The following GAB2 variants were observed in gnomAD, a reference collection of about 807,000 sequenced individuals.
GAB2 encodes the protein GRB2 associated binding protein 2.
Under a neutral mutation model 65.5 loss-of-function variants are expected in GAB2, and 26 were observed. The observed-to-expected ratio is 0.40, with a 90% CI of 0.29 to 0.55. The LOEUF is 0.55. Among genes scored for constraint, GAB2 ranks in the 20% least tolerant of loss-of-function variants. GAB2 has a pLI of 0.53. For missense variants in GAB2, 884 were observed against 875.8 expected (o/e 1.01, Z -0.12); for synonymous variants, 321 against 329.6 (o/e 0.97, Z 0.28).
intron 1 of GAB2, among the ~76,000 whole-genome samples, chr11:78,375,260 C>T (rs1025521270): frequency 1.3e-5 from 2 of 152,176 alleles, no homozygotes; most frequent in Non-Finnish European, 2.9e-5. Context: ...TAGTCTCAGT[C>T]TATCTTGTGA....
At chr11:78,241,725 T>C (rs2450123) in intron 3 of GAB2, among the ~76,000 whole-genome samples, 25,898 of 151,866 alleles carry the variant, frequency 0.17, 2,593 homozygotes, top group East Asian at 0.4. Flanking sequence ...TATCTGAACT[T>C]GAAGAAAGGT....
intron 6 of GAB2, among the ~76,000 whole-genome samples, chr11:78,222,848 G>A (rs1186434310): frequency 6.6e-6 from 1 of 152,206 alleles, no homozygotes; most frequent in African/African-American, 2.4e-5. Flanking sequence ...CTCCCAAAGT[G>A]TTGGGGTTAC....
chr11:78,404,412 T>A (rs980682110), intron 1 of GAB2, among the ~76,000 whole-genome samples: 1 of 152,066 alleles, frequency 6.6e-6, no homozygotes, highest in African/African-American at 2.4e-5. Context: ...CCAGGCCGGG[T>A]GGCGCATGTC....
At chr11:78,381,922 G>A (rs1346234468) in intron 1 of GAB2, among the ~76,000 whole-genome samples, 1 of 152,220 alleles carries the variant, frequency 6.6e-6, no homozygotes, top group Non-Finnish European at 1.5e-5. Flanking sequence ...AAGAATAAGA[G>A]CTCTAACTCC....
rs951019384 is a variant in GAB2, at chr11:78,217,908, AG to A, written c.*1363del. The stretch of plus-strand genomic sequence containing the variant: ...TCAGCCATGCCTGATGTGGTCCTCT[AG>A]GCATCATTCTGCCCTGCTTTCTCCT... On this transcript the variant is annotated 3_prime_UTR_variant, in exon 10 of 10. Transcript: ENST00000361507. 6.6e-6 allele frequency: 1 copy of A among 152,590 alleles called. No individual in the cohort carries two copies. The highest frequency in any genetic ancestry group is 1.5e-5 in the Non-Finnish European group (1 of 68,360). The allele number at this position is 152,590 out of a possible 1,614,324, so 9.5% of individuals were successfully genotyped here. A position where few individuals can be genotyped will look rare whatever the true frequency, so the allele number is the denominator to read the frequency against.
chr11:78,289,560 C>G (rs1387646531), intron 1 of GAB2, among the ~76,000 whole-genome samples: 1 of 152,068 alleles, frequency 6.6e-6, no homozygotes, highest in Non-Finnish European at 1.5e-5. Flanking sequence ...TTTGAAGTAA[C>G]TTACAATATT....
intron 1 of GAB2, among the ~76,000 whole-genome samples, chr11:78,367,164 C>G (rs1373334399): frequency 6.6e-6 from 1 of 152,124 alleles, no homozygotes; most frequent in Non-Finnish European, 1.5e-5. Flanking sequence ...TTCTTTTCCC[C>G]CATCAACTTG....
intron 3 of GAB2, among the ~76,000 whole-genome samples, chr11:78,228,878 A>T (rs1864761596): frequency 6.6e-6 from 1 of 152,142 alleles, no homozygotes; most frequent in Non-Finnish European, 1.5e-5. Context: ...TTAATGTTGT[A>T]TGCATTTTTT....
chr11:78,225,983 T>C (rs1314442644), intron 4 of GAB2, among the ~76,000 whole-genome samples: 1 of 152,262 alleles, frequency 6.6e-6, no homozygotes, highest in Non-Finnish European at 1.5e-5. Context: ...AGAATTTAGG[T>C]ACTTCAAATA....
At chr11:78,320,224 C>G (rs1855696517) in intron 1 of GAB2, among the ~76,000 whole-genome samples, 1 of 152,006 alleles carries the variant, frequency 6.6e-6, no homozygotes, top group East Asian at 1.9e-4. Flanking sequence ...TTTCTAGAGA[C>G]AGGGGTCTCA....
chr11:78,392,296 T>C (rs1181606707), intron 1 of GAB2: 3 of 151,714 alleles, frequency 2.0e-5, no homozygotes, highest in Non-Finnish European at 2.9e-5. Context: ...CTAAGCCTAG[T>C]TAGAAAGAAA....
At chr11:78,313,748 A>G (rs1194807286) in intron 1 of GAB2, among the ~76,000 whole-genome samples, 1 of 152,250 alleles carries the variant, frequency 6.6e-6, no homozygotes, top group Non-Finnish European at 1.5e-5. Flanking sequence ...CACATATAAT[A>G]AACTTAATTT....
chr11:78,253,983 G>T (rs1295078512), intron 2 of GAB2, among the ~76,000 whole-genome samples: 2 of 152,070 alleles, frequency 1.3e-5, no homozygotes, highest in Non-Finnish European at 2.9e-5. Context: ...GAATGCTTTG[G>T]CTGTGAGTAT....
At chr11:78,234,638 A>G (rs1864937208) in intron 3 of GAB2, among the ~76,000 whole-genome samples, 1 of 149,254 alleles carries the variant, frequency 6.7e-6, no homozygotes, top group African/African-American at 2.4e-5. Context: ...ATTTATATAC[A>G]TATATGTATT....
chr11:78,277,824 C>T lies in GAB2; in HGVS notation c.376+2777G>A, dbSNP rs540593585. Among the ~76,000 whole-genome samples the T allele has an allele frequency of 1.2e-4, 18 of 152,310 alleles. No individual in the cohort carries two copies. In the East Asian group the frequency reaches 2.1e-3, roughly 18 times the overall value. On this transcript the variant is annotated intron_variant, in intron 2 of 9. Coordinates refer to ENST00000361507, the MANE Select transcript of GAB2 (RefSeq NM_080491.3). ...GTGCACTGAAATCTCTCAAGTTGCC[C>T]GCTTGGCCCTCTTCCAAGTGTTCTT...
chr11:78,299,137 G>C (rs1401315248), intron 1 of GAB2, among the ~76,000 whole-genome samples: 2 of 152,190 alleles, frequency 1.3e-5, no homozygotes, highest in Non-Finnish European at 2.9e-5. Flanking sequence ...GCACTAAATT[G>C]TTAATGATGA....
rs201990253 is a variant in GAB2 at position 78,284,669 on chromosome 11, C to G, written c.76-3768G>C. On this transcript the variant is annotated intron_variant, in intron 1 of 9. Coordinates refer to ENST00000361507, the MANE Select transcript of GAB2 (RefSeq NM_080491.3). ...ATGTCACATTACTGGACAGGCTATT[C>G]CTGGTCCCCGATGCTCCCACTCTCT... 7.9e-5 allele frequency among the ~76,000 whole-genome samples: 12 copies of G among 152,302 alleles called. No individual in the cohort carries two copies. The East Asian group carries it at 2.1e-3, about 27-fold the overall frequency.
intron 1 of GAB2, among the ~76,000 whole-genome samples, chr11:78,361,829 A>T (rs11237469): frequency 0.16 from 24,123 of 152,180 alleles, 2,577 homozygotes; most frequent in East Asian, 0.42. Flanking sequence ...AAAGTGTAAG[A>T]GTATATATCC....
At chr11:78,227,645 A>AAAAAAAAAAAAAAAAAAC in intron 3 of GAB2, among the ~76,000 whole-genome samples, 1 of 151,626 alleles carries the variant, frequency 6.6e-6, no homozygotes, top group African/African-American at 2.4e-5. Flanking sequence ...AAAAAAAAAA[A>AAAAAAAAAAAAAAAAAAC]AAGAACTAGC....
Sources: allele counts gnomAD v4.1 joint callset (sites outside exome capture counted in the v4.1 genomes callset), GRCh38; gene constraint gnomAD v4.1.1; transcripts MANE v1.5; gene names NCBI Gene and HGNC (gene_info 2026-07-23, HGNC 2026-07-21).